KRT19: variants seen among roughly 807,000 people sequenced by gnomAD.
KRT19 encodes the protein keratin 19.
Under a neutral mutation model 34.6 loss-of-function variants are expected in KRT19, and 21 were observed. The ratio of observed to expected loss-of-function variants is 0.61; its 90% confidence interval spans 0.43 to 0.87. The LOEUF is 0.87. KRT19 is among the 40% of genes least tolerant of loss of function. KRT19 has a pLI of 0.00. For synonymous variants in KRT19, 240 were observed against 245.8 expected, an observed-to-expected ratio of 0.98 and a Z score of 0.22; for missense variants, 514 against 545.7, an observed-to-expected ratio of 0.94 and a Z score of 0.58.
At position 41,523,719 on chromosome 17, in the gene KRT19, G is replaced by A; in HGVS notation, c.*24C>T. 3 of 1,611,536 alleles carry A rather than the reference G, an allele frequency of 1.9e-6. No individual in the cohort carries two copies. Among genetic ancestry groups the A allele is most frequent in the Non-Finnish European group, 8.5e-7 (1 of 1,178,078 alleles). On this transcript the variant is annotated 3_prime_UTR_variant, in exon 6 of 6. Coordinates refer to ENST00000361566, the MANE Select transcript of KRT19 (RefSeq NM_002276.5). The stretch of plus-strand genomic sequence containing the variant: ...CCCAGAAGACACCCTCCAAAGGACA[G>A]CAGAAGCCCCAGAGCCTGCTGCCTC...
intron 1 of KRT19, among the ~76,000 whole-genome samples, chr17:41,527,493 A>G (rs1346498059): frequency 2.0e-5 from 3 of 152,160 alleles, no homozygotes; most frequent in African/African-American, 4.8e-5. Flanking sequence ...GGCACTCTAC[A>G]GCCGGGTCCC....
Position 41,528,275 on chromosome 17 carries a change from C to T in KRT19, c.-28G>A. 1.3e-6 allele frequency: 2 copies of T among 1,505,044 alleles called. No homozygotes were observed. The highest frequency in any genetic ancestry group is 1.8e-6 in the Non-Finnish European group (2 of 1,137,520). 93.2% of individuals were successfully genotyped at this position (1,505,044 alleles called of 1,614,324 possible). ...CGAGGCGGAGCACGGACGGAGCAACCCTGGTCTCAGAAGCTGCGATTCGCG... is the reference window on the plus strand; with the variant it reads ...CGAGGCGGAGCACGGACGGAGCAACTCTGGTCTCAGAAGCTGCGATTCGCG... On this transcript the variant is annotated 5_prime_UTR_variant, in exon 1 of 6. Coordinates refer to ENST00000361566, the MANE Select transcript of KRT19 (RefSeq NM_002276.5).
chr17:41,524,544 T>A lies in KRT19; in HGVS notation c.661-4A>T, dbSNP rs1869720. On this transcript the variant is annotated splice_polypyrimidine_tract_variant and splice_region_variant and intron_variant, in intron 3 of 5. Transcript: ENST00000361566. ...GGCCCCTCAGCGTACTGATTTCCTG[T>A]AAAGATACAGCAGAGATGGGCATGT... The A allele has an allele frequency of 0.99, 1,605,314 of 1,614,046 alleles. 798,715 individuals are homozygous for A. Among genetic ancestry groups the A allele is most frequent in the East Asian group, 1 (44,868 of 44,868 alleles).
rs377642975 is a variant in KRT19 at position 41,528,112 on chromosome 17, A to C, written c.136T>G (p.Ser46Ala). The change falls in exon 1 of 6, where the codon TCC becomes GCC. Residue 46 changes from serine (S) to alanine (A), a missense_variant. By Grantham distance (99) the Ser-to-Ala change is moderately conservative (BLOSUM62 1). Coordinates refer to ENST00000361566, the MANE Select transcript of KRT19 (RefSeq NM_002276.5). ...GACACAAAGCGGGCGGAGGACACGG[A>C]TACGCCGCGGCCGCCGGAGCCCCCG... is the stretch of plus-strand genomic sequence containing the variant. The part of the protein sequence containing the change: ...IHGGSGGRGV[S>A]VSSARFVSSS... The C allele has an allele frequency of 6.2e-7, 1 of 1,609,170 alleles. No individual in the cohort carries two copies. The highest frequency in any genetic ancestry group is 8.5e-7 in the Non-Finnish European group (1 of 1,179,012).
At chr17:41,527,368 G>C (rs1905903511) in intron 1 of KRT19, among the ~76,000 whole-genome samples, 1 of 152,246 alleles carries the variant, frequency 6.6e-6, no homozygotes, top group East Asian at 1.9e-4. Flanking sequence ...ACGGAATGCA[G>C]GAGGCCCTAC....
intron 1 of KRT19, among the ~76,000 whole-genome samples, chr17:41,526,641 G>A (rs764575250): frequency 1.1e-4 from 14 of 123,830 alleles, no homozygotes; most frequent in Non-Finnish European, 2.0e-4. Flanking sequence ...GCGCAATCTC[G>A]GCTCACTGCA....
chr17:41,523,939 G>T lies in KRT19; in HGVS notation c.1007C>A (p.Ala336Glu), dbSNP rs144149113. 4 of 1,613,700 alleles carry T rather than the reference G, an allele frequency of 2.5e-6. No homozygotes were observed. Among genetic ancestry groups the T allele is most frequent in the Non-Finnish European group, 3.4e-6 (4 of 1,179,786 alleles). Reference protein sequence around the residue: ...ETEARFGAQLAHIQALISGIE... With the variant: ...ETEARFGAQLEHIQALISGIE... ...ACCGCTGATCAGCGCCTGGATATGC[G>T]CCAGCTGGGCTCCAAAGCGCGCCTC... The change falls in exon 6 of 6, where the codon GCG (alanine) becomes GAG (glutamate). Residue 336 changes from alanine (A) to glutamate (E), a missense_variant. Transcript: ENST00000361566.
In KRT19 at chr17:41,525,197, C is replaced by T. The variant is rs753522440; in HGVS notation, c.497G>A (p.Arg166Gln). 1.4e-5 allele frequency: 23 copies of T among 1,612,472 alleles called. No individual in the cohort carries two copies. Among genetic ancestry groups the T allele is most frequent in the Admixed American group, 3.3e-5 (2 of 60,014 alleles). ...DNARLAADDF[R>Q]TKFETEQALR... ...CCAGGACAGAGACACTCACTTGGTT[C>T]GGAAGTCATCTGCAGCCAGACGGGC... Residue 166 changes from arginine to glutamine, a missense_variant, in exon 2 of 6, where the codon CGA becomes CAA. Arg to Gln is a conservative substitution (Grantham distance 43). Coordinates refer to ENST00000361566, the MANE Select transcript of KRT19 (RefSeq NM_002276.5).
chr17:41,526,662 C>T (rs1250132224), intron 1 of KRT19, among the ~76,000 whole-genome samples: 1 of 150,586 alleles, frequency 6.6e-6, no homozygotes, highest in East Asian at 2.0e-4. Context: ...GCCTCCGCCT[C>T]TTGGGTTCCA....
intron 3 of KRT19, 80 bp downstream of exon 3, chr17:41,524,763 G>A (rs1905799230): frequency 2.0e-6 from 3 of 1,516,164 alleles, no homozygotes; most frequent in South Asian, 2.3e-5. Context: ...TGTTACCACG[G>A]TCAGAGAATA....
rs918816810 is a variant in KRT19, at chr17:41,524,361, C to G, written c.822+18G>C. On this transcript the variant is annotated intron_variant, in intron 4 of 5. Transcript: ENST00000361566. ...CCCCTTCCTAACCCCCAAAGGGTGCCTGCTTCCCTCTACCTACCCGGCTGG... is the reference window on the plus strand; with the variant it reads ...CCCCTTCCTAACCCCCAAAGGGTGCGTGCTTCCCTCTACCTACCCGGCTGG... 6.2e-7 allele frequency: 1 copy of G among 1,613,760 alleles called. No homozygotes were observed. The highest frequency in any genetic ancestry group is 1.3e-5 in the African/African-American group (1 of 74,924).
At chr17:41,524,315 G>A (rs771393329) in intron 4 of KRT19, 47 bp from the exon 5 acceptor site, 57 of 1,611,338 alleles carry the variant, frequency 3.5e-5, no homozygotes, top group Middle Eastern at 1.6e-4. Context: ...TCAGACCTTC[G>A]CGTAGGGAAC....
In KRT19 at chr17:41,524,384, T is replaced by C. The variant is rs758372335; in HGVS notation, c.817A>G (p.Ser273Gly). 2 of 1,614,174 alleles carry C rather than the reference T, an allele frequency of 1.2e-6. No individual in the cohort carries two copies. The highest frequency in any genetic ancestry group is 4.5e-5 in the East Asian group (2 of 44,882). Residue 273 changes from serine (S) to glycine (G), a missense_variant, in exon 4 of 6, where the codon AGC becomes GGC. Ser to Gly is a moderately conservative substitution (Grantham distance 56). Transcript: ENST00000361566. ...NRKDAEAWFT[S>G]RTEELNREVA... ...GCCTGCTTCCCTCTACCTACCCGGC[T>C]GGTGAACCAGGCTTCAGCATCCTTC...
At chr17:41,526,612 C>A (rs1170380695) in intron 1 of KRT19, among the ~76,000 whole-genome samples, 1 of 110,510 alleles carries the variant, frequency 9.0e-6, no homozygotes, top group African/African-American at 3.5e-5. Flanking sequence ...CGCTCTGTGG[C>A]CGAGACTGAA....
chr17:41,524,772 T>A (rs1291049138), intron 3 of KRT19, 71 bp downstream of exon 3: 1 of 1,547,438 alleles, frequency 6.5e-7, no homozygotes, highest in African/African-American at 1.4e-5. Flanking sequence ...GGTCAGAGAA[T>A]ACAGAATAAA....
In KRT19 at chr17:41,524,140, T is replaced by C. The variant is rs765014777; in HGVS notation, c.948+3A>G. 10 of 1,613,222 alleles carry C rather than the reference T, an allele frequency of 6.2e-6. No individual in the cohort carries two copies. Among genetic ancestry groups the C allele is most frequent in the African/African-American group, 5.3e-5 (4 of 74,882 alleles). On this transcript the variant is annotated splice_donor_region_variant and intron_variant, in intron 5 of 5. Transcript: ENST00000361566. ...GAAGCGGCGGCGGTGGGGGGACACATACCATGCTCAGCTGTGACTGCAGCT... is the reference window on the plus strand; with the variant it reads ...GAAGCGGCGGCGGTGGGGGGACACACACCATGCTCAGCTGTGACTGCAGCT...
chr17:41,525,341 GA>G, intron 1 of KRT19, 68 bp from the exon 2 acceptor site: 1 of 1,149,108 alleles, frequency 8.7e-7, no homozygotes, highest in Non-Finnish European at 1.3e-6. Flanking sequence ...TTTCTTCCCA[GA>G]AGAGAGAGGG....
chr17:41,525,331 T>G, intron 1 of KRT19, 58 bp from the exon 2 acceptor site: 1 of 1,238,206 alleles, frequency 8.1e-7, no homozygotes. Context: ...GCCCACTCAC[T>G]TTCTTCCCAG....
intron 1 of KRT19, among the ~76,000 whole-genome samples, chr17:41,525,834 A>G (rs1905843898): frequency 6.6e-6 from 1 of 152,196 alleles, no homozygotes; most frequent in Non-Finnish European, 1.5e-5. Context: ...CTGACCTAAG[A>G]GGCGCATTCA....
Sources: allele counts gnomAD v4.1 joint callset (sites outside exome capture counted in the v4.1 genomes callset), GRCh38; gene constraint gnomAD v4.1.1; transcripts MANE v1.5; gene names NCBI Gene and HGNC (gene_info 2026-07-23, HGNC 2026-07-21).